CAST: variants seen among roughly 807,000 people sequenced by gnomAD.
The protein encoded by CAST is calpastatin.
CAST carries 76 observed loss-of-function variants against 119.6 expected under a neutral mutation model. That is an observed-to-expected ratio of 0.64 (90% CI 0.53 to 0.77). CAST has a LOEUF of 0.77. Ranked by LOEUF, CAST falls within the 30% of genes least tolerant of loss-of-function variation. The pLI, the probability that CAST is intolerant of heterozygous loss-of-function variation, is 0.00. For synonymous variants in CAST, 319 were observed against 331.6 expected, an observed-to-expected ratio of 0.96 and a Z score of 0.41; for missense variants, 953 against 946.5, an observed-to-expected ratio of 1.01 and a Z score of -0.09.
At chr5:96,587,754 A>G (rs1746884867) in intron 1 of CAST, among the ~76,000 whole-genome samples, 1 of 152,234 alleles carries the variant, frequency 6.6e-6, no homozygotes, top group African/African-American at 2.4e-5. Flanking sequence ...ATTGAGAAAC[A>G]TTGAAGATCA....
At chr5:96,620,288 CTT>C (rs60552077) in intron 1 of CAST, among the ~76,000 whole-genome samples, 13 of 134,472 alleles carry the variant, frequency 9.7e-5, no homozygotes, top group Admixed American at 2.2e-4. Flanking sequence ...AGTTCTTTTT[CTT>C]TTTTTTTTTT....
chr5:96,738,007 C>A, intron 11 of CAST, 60 bp downstream of exon 11: 1 of 963,006 alleles, frequency 1.0e-6, no homozygotes, highest in Non-Finnish European at 1.7e-6. Flanking sequence ...CAAATAAGGC[C>A]ATGGTCATGA....
At chr5:96,544,600 A>G (rs1745971148) in intron 1 of CAST, among the ~76,000 whole-genome samples, 1 of 95,412 alleles carries the variant, frequency 1.0e-5, no homozygotes, top group Non-Finnish European at 2.3e-5. Context: ...TTTTAAGGAA[A>G]CCATTAAAAC....
At chr5:96,247,902 C>T in the CAST span, 1 of 152,248 alleles carries the variant, frequency 6.6e-6, no homozygotes, top group African/African-American at 2.4e-5. Flanking sequence ...GTTGGTGCCA[C>T]AGAGCAGCCA....
the CAST span, among the ~76,000 whole-genome samples, chr5:96,507,032 A>G: frequency 1.3e-5 from 2 of 152,170 alleles, no homozygotes; most frequent in Admixed American, 6.5e-5. Context: ...ATAAACACAC[A>G]AATAAATACA....
the CAST span, among the ~76,000 whole-genome samples, chr5:96,271,253 T>C: frequency 6.6e-6 from 1 of 152,162 alleles, no homozygotes; most frequent in Non-Finnish European, 1.5e-5. Context: ...AAAACAGTTC[T>C]AAAATGTATA....
the CAST span, among the ~76,000 whole-genome samples, chr5:96,365,966 C>T: frequency 6.6e-6 from 1 of 152,082 alleles, no homozygotes; most frequent in Non-Finnish European, 1.5e-5. Context: ...TGGCTGGTAC[C>T]AGTTGTTCCT....
At chr5:96,560,412 A>G (rs1158541659) in intron 1 of CAST, among the ~76,000 whole-genome samples, 2 of 151,564 alleles carry the variant, frequency 1.3e-5, no homozygotes, top group African/African-American at 2.4e-5. Context: ...CATCAGAGTG[A>G]ACAGGCAACC....
intron 9 of CAST, among the ~76,000 whole-genome samples, chr5:96,732,371 T>G (rs1287016668): frequency 4.1e-5 from 5 of 122,202 alleles, no homozygotes; most frequent in African/African-American, 1.3e-4. Context: ...TCTTGTAAAT[T>G]TGTTTGAGTT....
the CAST span, among the ~76,000 whole-genome samples, chr5:96,244,162 A>G: frequency 6.6e-6 from 1 of 152,194 alleles, no homozygotes; most frequent in Non-Finnish European, 1.5e-5. Context: ...TCTGATCATA[A>G]AGCATTTTTT....
the CAST span, among the ~76,000 whole-genome samples, chr5:96,094,805 T>C: frequency 6.6e-6 from 1 of 152,186 alleles, no homozygotes; most frequent in African/African-American, 2.4e-5. Context: ...TACGTGACAT[T>C]GGTTCTCTAC....
At chr5:96,248,149 C>T in the CAST span, 3 of 152,358 alleles carry the variant, frequency 2.0e-5, no homozygotes, top group Admixed American at 2.0e-4. Context: ...CTTGGCCTCC[C>T]CTTTAGTTAT....
the CAST span, among the ~76,000 whole-genome samples, chr5:96,414,205 C>A: frequency 6.6e-6 from 1 of 151,848 alleles, no homozygotes; most frequent in Non-Finnish European, 1.5e-5. Context: ...GCCAGTTAAC[C>A]CTCTGTGCCT....
At chr5:96,299,291 CAAA>C in the CAST span, among the ~76,000 whole-genome samples, 1 of 120,454 alleles carries the variant, frequency 8.3e-6, no homozygotes, top group African/African-American at 4.0e-5. Flanking sequence ...ACAACAACAA[CAAA>C]CAAACAAAAA....
intron 1 of CAST, among the ~76,000 whole-genome samples, chr5:96,584,165 C>A (rs1746813396): frequency 6.6e-6 from 1 of 152,170 alleles, no homozygotes; most frequent in African/African-American, 2.4e-5. Context: ...ACTGTTCCAC[C>A]TTGGATGATC....
At chr5:96,350,349 A>C in the CAST span, among the ~76,000 whole-genome samples, 860 of 152,262 alleles carry the variant, frequency 5.6e-3, 10 homozygotes, top group African/African-American at 0.02. Context: ...TTATGCCTTC[A>C]TCTGGCTCCA....
At chr5:96,427,391 G>T in the CAST span, among the ~76,000 whole-genome samples, 1 of 152,262 alleles carries the variant, frequency 6.6e-6, no homozygotes. Flanking sequence ...TGCATTATAG[G>T]TATCATGTAC....
At chr5:96,525,280 T>C (rs1468255303), upstream of CAST, 2 of 152,190 alleles carry the variant, frequency 1.3e-5, no homozygotes, top group Admixed American at 1.3e-4. Context: ...TTTGGCAAAG[T>C]TGGGGTGCAG....
intron 6 of CAST, chr5:96,728,940 A>G (rs1759885386): frequency 1.4e-5 from 7 of 503,752 alleles, no homozygotes; most frequent in Non-Finnish European, 2.5e-5. Flanking sequence ...TTATTCTGAT[A>G]ATCACCATTC....
Sources: gnomAD v4.1 joint callset for allele counts (sites outside exome capture counted in the v4.1 genomes callset) on GRCh38, gnomAD v4.1.1 for gene constraint, MANE v1.5 for transcripts, NCBI Gene and HGNC (gene_info 2026-07-23, HGNC 2026-07-21) for gene names.